DENND1A: variants seen among roughly 807,000 people sequenced by gnomAD.
The protein encoded by DENND1A is DENN domain containing 1A.
Under a neutral mutation model 113.7 loss-of-function variants are expected in DENND1A, and 51 were observed. The observed-to-expected ratio is 0.45, with a 90% CI of 0.36 to 0.57. The LOEUF is 0.57. DENND1A is among the 20% of genes least tolerant of loss of function. The pLI, the probability that DENND1A is intolerant of heterozygous loss-of-function variation, is 0.00. For synonymous variants in DENND1A, 565 were observed against 570.8 expected, an observed-to-expected ratio of 0.99 and a Z score of 0.14; for missense variants, 1,258 against 1,395.9, an observed-to-expected ratio of 0.90 and a Z score of 1.57.
chr9:123,839,019 G>A (rs970533172), intron 2 of DENND1A, among the ~76,000 whole-genome samples: 13 of 152,166 alleles, frequency 8.5e-5, no homozygotes, highest in Admixed American at 2.0e-4. Context: ...CTGCTCACGC[G>A]GAAGGGGCAG....
At chr9:123,763,964 T>G (rs2131534308) in intron 4 of DENND1A, among the ~76,000 whole-genome samples, 1 of 152,216 alleles carries the variant, frequency 6.6e-6, no homozygotes, top group South Asian at 2.1e-4. Flanking sequence ...TGGTTATTAT[T>G]TTTAGGATGA....
intron 11 of DENND1A, among the ~76,000 whole-genome samples, chr9:123,603,479 T>G (rs2060018534): frequency 1.3e-5 from 2 of 152,198 alleles, no homozygotes; most frequent in African/African-American, 4.8e-5. Context: ...TTTTAAGCAC[T>G]TGTATGTTTG....
At chr9:123,772,875 A>G (rs1485864602) in intron 3 of DENND1A, among the ~76,000 whole-genome samples, 1 of 152,140 alleles carries the variant, frequency 6.6e-6, no homozygotes, top group Non-Finnish European at 1.5e-5. Flanking sequence ...TAATCAAAAC[A>G]CTGCTGACAT....
intron 1 of DENND1A, among the ~76,000 whole-genome samples, chr9:123,911,279 A>G (rs140512543): frequency 3.3e-5 from 5 of 152,340 alleles, no homozygotes; most frequent in African/African-American, 7.2e-5. Flanking sequence ...CTAACAATAT[A>G]AAGTGTTGGA....
chr9:123,465,195 A>C (rs867531429), intron 13 of DENND1A, among the ~76,000 whole-genome samples: 23 of 151,592 alleles, frequency 1.5e-4, no homozygotes, highest in African/African-American at 5.6e-4. Flanking sequence ...AAAAGAAAAA[A>C]AAAACATTAA....
chr9:123,709,992 A>G (rs904709052), intron 5 of DENND1A, among the ~76,000 whole-genome samples: 2 of 152,248 alleles, frequency 1.3e-5, no homozygotes, highest in African/African-American at 4.8e-5. Context: ...AACACTCAGG[A>G]AAGTTTAATA....
intron 2 of DENND1A, among the ~76,000 whole-genome samples, chr9:123,818,782 CAGCATTTTGG>C (rs1390058265): frequency 1.3e-5 from 2 of 152,148 alleles, no homozygotes; most frequent in Admixed American, 1.3e-4. Flanking sequence ...TCAGATTCTG[CAGCATTTTGG>C]AGCATTTTGG....
chr9:123,900,766 G>A (rs1277182191), intron 1 of DENND1A, among the ~76,000 whole-genome samples: 1 of 152,166 alleles, frequency 6.6e-6, no homozygotes, highest in Non-Finnish European at 1.5e-5. Flanking sequence ...GGATTATGGA[G>A]AGGATTAAAT....
chr9:123,702,466 C>T lies in DENND1A; in HGVS notation c.303-25677G>A, dbSNP rs563725702. ...CCAGGTACAGAAAGGTCAAAAGCCT[C>T]CAATCAGATTCAATTCAAATAAGAC... is the stretch of plus-strand genomic sequence containing the variant. On this transcript the variant is annotated intron_variant, in intron 5 of 23. Coordinates refer to ENST00000394215, the MANE Select transcript of DENND1A (RefSeq NM_001352964.2). Among the ~76,000 whole-genome samples the T allele has an allele frequency of 3.3e-5, 5 of 152,204 alleles. No individual in the cohort carries two copies. In the South Asian group the frequency reaches 1.0e-3, roughly 32 times the overall value.
At chr9:123,911,302 G>C (rs1588205478) in intron 1 of DENND1A, among the ~76,000 whole-genome samples, 2 of 152,144 alleles carry the variant, frequency 1.3e-5, no homozygotes, top group South Asian at 4.1e-4. Context: ...TGAAACAAGT[G>C]GAACTGTCAT....
chr9:123,578,012 G>GA, intron 12 of DENND1A, among the ~76,000 whole-genome samples: 1 of 152,298 alleles, frequency 6.6e-6, no homozygotes. Flanking sequence ...TGAGCTCTGA[G>GA]AACTGTTCAT....
rs537104440 is a variant in DENND1A at position 123,519,471 on chromosome 9, C to T, written c.993+38099G>A. ...TTTTTTTTTTGAGGCAGAGTCTCAC[C>T]CTGCTGCCCAGGCTGGAATGTGGTG... is the stretch of plus-strand genomic sequence containing the variant. On this transcript the variant is annotated intron_variant, in intron 13 of 23. Coordinates refer to ENST00000394215, the MANE Select transcript of DENND1A (RefSeq NM_001352964.2). 5.3e-5 allele frequency among the ~76,000 whole-genome samples: 8 copies of T among 151,994 alleles called. No individual in the cohort carries two copies. The South Asian group carries it at 1.7e-3, about 32-fold the overall frequency.
At chr9:123,429,174 A>G (rs1047315370) in intron 19 of DENND1A, among the ~76,000 whole-genome samples, 1 of 152,262 alleles carries the variant, frequency 6.6e-6, no homozygotes, top group Non-Finnish European at 1.5e-5. Flanking sequence ...ACAGCATGGT[A>G]CTTGTACAAA....
chr9:123,823,443 G>C (rs905000070), intron 2 of DENND1A, among the ~76,000 whole-genome samples: 4 of 152,158 alleles, frequency 2.6e-5, no homozygotes, highest in African/African-American at 9.7e-5. Context: ...TGATCACTGA[G>C]CACAAGGGAG....
intron 4 of DENND1A, among the ~76,000 whole-genome samples, chr9:123,765,663 C>T (rs1441390192): frequency 1.3e-5 from 2 of 152,162 alleles, no homozygotes. Context: ...ATGCATGTCT[C>T]AAGTGCTTTG....
chr9:123,704,931 A>G lies in DENND1A; in HGVS notation c.303-28142T>C, dbSNP rs140992239. ...TAACTGAAAAAGGAAAACAAGCAACATGAAAGAGAGTGAAAAAGCCTAATG... is the reference window on the plus strand; with the variant it reads ...TAACTGAAAAAGGAAAACAAGCAACGTGAAAGAGAGTGAAAAAGCCTAATG... On this transcript the variant is annotated intron_variant, in intron 5 of 23. Coordinates refer to ENST00000394215, the MANE Select transcript of DENND1A (RefSeq NM_001352964.2). 1.6e-3 allele frequency among the ~76,000 whole-genome samples: 250 copies of G among 152,300 alleles called. 2 individuals are homozygous for G. The highest frequency in any genetic ancestry group is 5.8e-3 in the African/African-American group (243 of 41,584).
intron 2 of DENND1A, among the ~76,000 whole-genome samples, chr9:123,807,334 T>C (rs929196414): frequency 1.3e-5 from 2 of 152,224 alleles, no homozygotes; most frequent in Non-Finnish European, 2.9e-5. Context: ...AATGTCCCCA[T>C]CTGCCTCTTC....
At chr9:123,449,105 G>A (rs1429458164) in intron 18 of DENND1A, among the ~76,000 whole-genome samples, 1 of 152,154 alleles carries the variant, frequency 6.6e-6, no homozygotes, top group African/African-American at 2.4e-5. Flanking sequence ...CTAGGCTCAA[G>A]GTGGCCCTGG....
At chr9:123,511,927 G>A (rs2053493256) in intron 13 of DENND1A, among the ~76,000 whole-genome samples, 1 of 152,188 alleles carries the variant, frequency 6.6e-6, no homozygotes, top group Non-Finnish European at 1.5e-5. Context: ...TGACTTGAGG[G>A]TCTCCACTCT....
Sources: allele counts gnomAD v4.1 joint callset (sites outside exome capture counted in the v4.1 genomes callset), GRCh38; gene constraint gnomAD v4.1.1; transcripts MANE v1.5; gene names NCBI Gene and HGNC (gene_info 2026-07-23, HGNC 2026-07-21).